The following SRD5A2 variants were observed in gnomAD, a reference collection of about 807,000 sequenced individuals.
SRD5A2 encodes the protein 3-oxo-5-alpha-steroid 4-dehydrogenase 2.
SRD5A2 carries 30 observed loss-of-function variants against 27.4 expected under a neutral mutation model. That is an observed-to-expected ratio of 1.10 (90% confidence interval 0.82 to 1.49). SRD5A2 has a LOEUF of 1.49. Ranked by LOEUF, SRD5A2 falls within the 40% of genes most tolerant of loss-of-function variation. SRD5A2 has a pLI of 0.00. For missense variants in SRD5A2, 348 were observed against 323.4 expected (o/e 1.08, Z -0.58); for synonymous variants, 141 against 133.6 (o/e 1.06, Z -0.38).
chr2:31,622,129 A>G, the SRD5A2 span, among the ~76,000 whole-genome samples: 55 of 151,428 alleles, frequency 3.6e-4, no homozygotes, highest in African/African-American at 1.3e-3. Flanking sequence ...CTCCACTCCA[A>G]CCTCTGACAG....
the SRD5A2 span, among the ~76,000 whole-genome samples, chr2:31,634,720 G>A: frequency 2.0e-5 from 3 of 151,766 alleles, no homozygotes; most frequent in Non-Finnish European, 4.4e-5. Flanking sequence ...GTAACCATCA[G>A]TCTACTCTCT....
the SRD5A2 span, among the ~76,000 whole-genome samples, chr2:31,591,864 A>C: frequency 7.5e-6 from 1 of 133,148 alleles, no homozygotes; most frequent in Non-Finnish European, 1.6e-5. Context: ...GCATGTTTTC[A>C]CTCATAGGTG....
the SRD5A2 span, among the ~76,000 whole-genome samples, chr2:31,633,602 G>A: frequency 9.3e-4 from 141 of 152,198 alleles, 1 homozygote; most frequent in African/African-American, 3.3e-3. Flanking sequence ...TCCATACTCC[G>A]ATGTTGATGA....
chr2:31,566,677 G>A (rs1020454626), intron 1 of SRD5A2, among the ~76,000 whole-genome samples: 1 of 152,186 alleles, frequency 6.6e-6, no homozygotes, highest in Non-Finnish European at 1.5e-5. Flanking sequence ...TGTCATAGCA[G>A]CTCAGTGGGG....
chr2:31,533,124 A>G (rs1418800646), intron 2 of SRD5A2, among the ~76,000 whole-genome samples: 2 of 152,172 alleles, frequency 1.3e-5, no homozygotes, highest in East Asian at 3.9e-4. Flanking sequence ...TGTGTAGCCC[A>G]AGGCAATTCT....
At chr2:31,642,415 T>C in the SRD5A2 span, among the ~76,000 whole-genome samples, 1 of 151,836 alleles carries the variant, frequency 6.6e-6, no homozygotes, top group African/African-American at 2.4e-5. Flanking sequence ...AAAACCCCAT[T>C]AAAATATAGG....
At chr2:31,607,155 T>C in the SRD5A2 span, among the ~76,000 whole-genome samples, 3 of 152,146 alleles carry the variant, frequency 2.0e-5, no homozygotes, top group Non-Finnish European at 4.4e-5. Context: ...AGTTATCTTA[T>C]AGATGAAATC....
chr2:31,578,550 C>T (rs1667006861), intron 1 of SRD5A2, among the ~76,000 whole-genome samples: 1 of 152,108 alleles, frequency 6.6e-6, no homozygotes, highest in African/African-American at 2.4e-5. Flanking sequence ...ACCCTGTAAG[C>T]ACTCAAATAA....
upstream of SRD5A2, chr2:31,580,995 C>A: frequency 3.7e-6 from 5 of 1,367,144 alleles, no homozygotes; most frequent in South Asian, 5.9e-5. Context: ...CCCGTGTCCG[C>A]CCCCTCGGCC....
rs782721030 is a variant in SRD5A2 at position 31,580,817 on chromosome 2, C to T, written c.84G>A (p.Ala28=). The T allele has an allele frequency of 1.2e-6, 2 of 1,612,506 alleles. No homozygotes were observed. The highest frequency in any genetic ancestry group is 8.5e-7 in the Non-Finnish European group (1 of 1,179,704). Residue 28 remains alanine, a synonymous_variant, in exon 1 of 5, where the codon GCG becomes GCA. Transcript: ENST00000622030. ...VALGALALYV[A]KPSGYGKHTE... is the part of the protein sequence containing the mutation. ...TGTGCTTCCCGTAGCCGGAGGGCTT[C>T]GCGACGTACAAGGCCAGTGCCCCAA...
At position 31,526,105 on chromosome 2, in the gene SRD5A2, G is replaced by GTAATAT; in HGVS notation, c.*90_*91insATATTA. 1.3e-6 allele frequency: 1 copy of GTAATAT among 797,454 alleles called. No homozygotes were observed. The allele number at this position is 797,454 out of a possible 1,614,324, so 49.4% of individuals were successfully genotyped here. ...AGGAGACCTACTATTACATATATACGGGACTATTATATCATGAAAATTACA... is the reference window on the plus strand; with the variant it reads ...AGGAGACCTACTATTACATATATACGTAATATGGACTATTATATCATGAAAATTACA... On this transcript the variant is annotated 3_prime_UTR_variant, in exon 5 of 5. Coordinates refer to ENST00000622030, the MANE Select transcript of SRD5A2 (RefSeq NM_000348.4).
rs564453173 is a variant in SRD5A2 at position 31,524,350 on chromosome 2, T to C, written c.*1846A>G. ...AACCTCATGACGTTTTCCTGCACCTTTATTGTACTTCCTTGTAGTTCTGAA... is the reference window on the plus strand; with the variant it reads ...AACCTCATGACGTTTTCCTGCACCTCTATTGTACTTCCTTGTAGTTCTGAA... On this transcript the variant is annotated 3_prime_UTR_variant, in exon 5 of 5. Transcript: ENST00000622030. The C allele has an allele frequency of 4.4e-6, 1 of 227,372 alleles. No homozygotes were observed. Among genetic ancestry groups the C allele is most frequent in the South Asian group, 1.8e-4 (1 of 5,476 alleles). The allele number at this position is 227,372 out of a possible 1,614,324, so 14.1% of individuals were successfully genotyped here.
chr2:31,662,948 T>C, the SRD5A2 span, among the ~76,000 whole-genome samples: 2 of 152,220 alleles, frequency 1.3e-5, no homozygotes, highest in Admixed American at 6.5e-5. Context: ...ATTAATGTCA[T>C]AGGGAGGAAA....
At chr2:31,583,663 C>CAAAAAAAAAA (rs796349594), upstream of SRD5A2, among the ~76,000 whole-genome samples, 2 of 97,226 alleles carry the variant, frequency 2.1e-5, no homozygotes, top group African/African-American at 8.8e-5. Context: ...AAAAAAAAAG[C>CAAAAAAAAAA]AAAAAAAAAA....
chr2:31,563,549 G>C (rs951586666), intron 1 of SRD5A2: 2 of 152,014 alleles, frequency 1.3e-5, no homozygotes, highest in East Asian at 1.9e-4. Flanking sequence ...GGGATCCCAG[G>C]GAGAAGCTAA....
chr2:31,543,931 C>CT, intron 1 of SRD5A2, among the ~76,000 whole-genome samples: 1 of 151,928 alleles, frequency 6.6e-6, no homozygotes, highest in East Asian at 1.9e-4. Flanking sequence ...CAAATATATG[C>CT]TGTTTACAAG....
chr2:31,554,030 AT>A (rs1247153525), intron 1 of SRD5A2, among the ~76,000 whole-genome samples: 1 of 152,138 alleles, frequency 6.6e-6, no homozygotes, highest in African/African-American at 2.4e-5. Context: ...TCTGTGAGGG[AT>A]CTTGAGATAA....
the SRD5A2 span, among the ~76,000 whole-genome samples, chr2:31,593,354 T>G: frequency 1.3e-5 from 2 of 152,004 alleles, no homozygotes; most frequent in East Asian, 3.9e-4. Context: ...CAATCACAAC[T>G]TCTTGAAATA....
chr2:31,550,397 C>CA (rs76664522), intron 1 of SRD5A2, among the ~76,000 whole-genome samples: 1,524 of 133,526 alleles, frequency 0.011, 25 homozygotes, highest in African/African-American at 0.03. Flanking sequence ...TACCCTAATC[C>CA]AAAAAAAAAA....
Sources: allele counts gnomAD v4.1 joint callset (sites outside exome capture counted in the v4.1 genomes callset), GRCh38; gene constraint gnomAD v4.1.1; transcripts MANE v1.5; gene names NCBI Gene and HGNC (gene_info 2026-07-23, HGNC 2026-07-21).